The following HCN1 variants were observed in gnomAD, a reference collection of about 807,000 sequenced individuals.
The protein encoded by HCN1 is potassium/sodium hyperpolarization-activated cyclic nucleotide-gated channel 1.
In HCN1, 13 loss-of-function variants were observed where a neutral mutation model predicts 78.9. The observed-to-expected ratio is 0.16, with a 90% confidence interval of 0.11 to 0.26. The LOEUF is 0.26. Ranked by LOEUF, HCN1 falls within the 10% of genes least tolerant of loss-of-function variation. The pLI is 1.00. For synonymous variants in HCN1, 552 were observed against 455.5 expected, an observed-to-expected ratio of 1.21 and a Z score of -2.70; for missense variants, 810 against 1,154.3, an observed-to-expected ratio of 0.70 and a Z score of 4.32.
At chr5:45,445,753 C>CTG (rs1740779855) in intron 3 of HCN1, among the ~76,000 whole-genome samples, 2 of 151,926 alleles carry the variant, frequency 1.3e-5, no homozygotes, top group Admixed American at 1.3e-4. Context: ...TCTGCAGACA[C>CTG]CGCTGCTGAT....
At chr5:45,279,353 G>T (rs1212200556) in intron 6 of HCN1, among the ~76,000 whole-genome samples, 1 of 152,118 alleles carries the variant, frequency 6.6e-6, no homozygotes, top group African/African-American at 2.4e-5. Context: ...CTTAACTGAG[G>T]TGTGATACAT....
intron 5 of HCN1, among the ~76,000 whole-genome samples, chr5:45,334,642 C>T (rs1335397972): frequency 1.3e-5 from 2 of 151,986 alleles, no homozygotes; most frequent in Admixed American, 1.3e-4. Flanking sequence ...GGATCAATGT[C>T]TCACACACAT....
chr5:45,292,614 C>G (rs2111887311), intron 6 of HCN1, among the ~76,000 whole-genome samples: 1 of 151,862 alleles, frequency 6.6e-6, no homozygotes, highest in East Asian at 1.9e-4. Context: ...TGTACTTTAT[C>G]ATTATCATAT....
intron 2 of HCN1, among the ~76,000 whole-genome samples, chr5:45,498,414 C>T (rs1211493322): frequency 2.6e-5 from 4 of 152,116 alleles, no homozygotes; most frequent in South Asian, 2.1e-4. Flanking sequence ...ATGTAGTTCT[C>T]GAGCCTTGGT....
chr5:45,411,367 T>A (rs896174217), intron 3 of HCN1, among the ~76,000 whole-genome samples: 4 of 152,040 alleles, frequency 2.6e-5, no homozygotes, highest in African/African-American at 9.7e-5. Context: ...CTGTTTTTTT[T>A]TTTTATTCTA....
At chr5:45,406,060 A>T (rs911816966) in intron 3 of HCN1, among the ~76,000 whole-genome samples, 4 of 152,168 alleles carry the variant, frequency 2.6e-5, no homozygotes, top group African/African-American at 4.8e-5. Flanking sequence ...TTTAAAAATA[A>T]AAATTAAACA....
At chr5:45,328,839 C>T (rs1369489508) in intron 5 of HCN1, among the ~76,000 whole-genome samples, 1 of 151,630 alleles carries the variant, frequency 6.6e-6, no homozygotes, top group Non-Finnish European at 1.5e-5. Flanking sequence ...GCACTATACA[C>T]AATTTAGTTA....
At chr5:45,536,703 T>C (rs371642127) in intron 2 of HCN1, among the ~76,000 whole-genome samples, 2 of 152,294 alleles carry the variant, frequency 1.3e-5, no homozygotes, top group East Asian at 1.9e-4. Context: ...TGAGTATAGG[T>C]TAATTTTCCT....
intron 3 of HCN1, among the ~76,000 whole-genome samples, chr5:45,415,789 C>T (rs1740105506): frequency 6.6e-6 from 1 of 151,964 alleles, no homozygotes; most frequent in South Asian, 2.1e-4. Context: ...ACCAGTATAA[C>T]CAAAGTTTCC....
chr5:45,309,260 C>A (rs1393162784), intron 5 of HCN1, among the ~76,000 whole-genome samples: 2 of 152,058 alleles, frequency 1.3e-5, no homozygotes, highest in East Asian at 1.9e-4. Flanking sequence ...GCTGAGGAAG[C>A]TTTAGGCTGT....
chr5:45,376,271 T>TATATTAC (rs1747667958), intron 4 of HCN1, among the ~76,000 whole-genome samples: 1 of 132,728 alleles, frequency 7.5e-6, no homozygotes, highest in African/African-American at 2.8e-5. Context: ...ATATATATTC[T>TATATTAC]ATATAGAATA....
chr5:45,471,242 G>A (rs769788286), intron 2 of HCN1, among the ~76,000 whole-genome samples: 5 of 151,812 alleles, frequency 3.3e-5, no homozygotes, highest in Admixed American at 1.3e-4. Context: ...AGGGGTGGGA[G>A]GCAAGAAATG....
rs142146127 is a variant in HCN1, at chr5:45,265,977, C to A, written c.1783+1112G>T. Among the ~76,000 whole-genome samples, 314 of 152,010 alleles carry A rather than the reference C, an allele frequency of 2.1e-3. 1 individual carries two copies. Among genetic ancestry groups the A allele is most frequent in the African/African-American group, 7.2e-3 (297 of 41,458 alleles). On this transcript the variant is annotated intron_variant, in intron 7 of 7. Transcript: ENST00000303230. ...GAAGGTTTCTAGAGGGAGGTGATATCTAAACAGAGAGAGGAAGGTTGAGCA... is the reference window on the plus strand; with the variant it reads ...GAAGGTTTCTAGAGGGAGGTGATATATAAACAGAGAGAGGAAGGTTGAGCA...
At chr5:45,433,407 T>A (rs879584662) in intron 3 of HCN1, among the ~76,000 whole-genome samples, 69 of 152,188 alleles carry the variant, frequency 4.5e-4, no homozygotes, top group Admixed American at 3.3e-3. Context: ...CTGCTTTTTT[T>A]CTGTTTGCTG....
At chr5:45,609,412 AT>A (rs1262044693) in intron 2 of HCN1, among the ~76,000 whole-genome samples, 1 of 152,174 alleles carries the variant, frequency 6.6e-6, no homozygotes, top group South Asian at 2.1e-4. Context: ...CAACTGTTGC[AT>A]TTTTTCCCTT....
At chr5:45,319,613 T>C (rs1746080125) in intron 5 of HCN1, among the ~76,000 whole-genome samples, 1 of 151,788 alleles carries the variant, frequency 6.6e-6, no homozygotes, top group East Asian at 1.9e-4. Flanking sequence ...GCACTGCAAA[T>C]ACCTTCTCGC....
At chr5:45,277,091 C>G (rs77498010) in intron 6 of HCN1, among the ~76,000 whole-genome samples, 482 of 152,148 alleles carry the variant, frequency 3.2e-3, no homozygotes, top group African/African-American at 0.011. Flanking sequence ...TCAGGAAAAA[C>G]TTCGTGTGCA....
chr5:45,620,268 T>C (rs756630352), intron 2 of HCN1, among the ~76,000 whole-genome samples: 6 of 151,920 alleles, frequency 3.9e-5, no homozygotes, highest in Admixed American at 1.3e-4. Context: ...GAAAAGGACA[T>C]TAGTGGAAAA....
Position 45,262,309 on chromosome 5 carries a change from G to A in HCN1, c.2285C>T (p.Thr762Met), listed in dbSNP as rs544168876. The stretch of plus-strand genomic sequence containing the variant: ...GCTCTTGTGCACTTCATTTTTCGGC[G>A]TGGAGCTGCCAGGTGTCTGTGGCTG... The part of the protein sequence containing the change: ...SPQPQTPGSS[T>M]PKNEVHKSTQ... The change falls in exon 8 of 8, where the codon ACG becomes ATG. Residue 762 changes from threonine to methionine, a missense_variant. Thr to Met is a moderately conservative substitution (Grantham distance 81). Coordinates refer to ENST00000303230, the MANE Select transcript of HCN1 (RefSeq NM_021072.4). 3.1e-6 allele frequency: 5 copies of A among 1,613,868 alleles called. No individual in the cohort carries two copies. The highest frequency in any genetic ancestry group is 1.7e-5 in the Admixed American group (1 of 60,028).
Sources: allele counts gnomAD v4.1 joint callset (sites outside exome capture counted in the v4.1 genomes callset), GRCh38; gene constraint gnomAD v4.1.1; transcripts MANE v1.5; gene names NCBI Gene and HGNC (gene_info 2026-07-23, HGNC 2026-07-21).